PRKCQ: variants seen among roughly 807,000 people sequenced by gnomAD.
PRKCQ encodes protein kinase C theta type.
Under a neutral mutation model 91.2 loss-of-function variants are expected in PRKCQ, and 41 were observed. The observed-to-expected ratio is 0.45, with a 90% CI of 0.35 to 0.58. PRKCQ has a LOEUF of 0.58. Among genes scored for constraint, PRKCQ ranks in the 20% least tolerant of loss-of-function variants. The pLI is 0.00. For missense variants in PRKCQ, 673 were observed against 896.5 expected (o/e 0.75, Z 3.18); for synonymous variants, 307 against 316.9 (o/e 0.97, Z 0.33).
At chr10:6,422,390 C>G (rs896018046), downstream of PRKCQ, among the ~76,000 whole-genome samples, 1 of 152,080 alleles carries the variant, frequency 6.6e-6, no homozygotes, top group African/African-American at 2.4e-5. Flanking sequence ...TACACCACAT[C>G]GGGGGTGAGG....
the PRKCQ span, among the ~76,000 whole-genome samples, chr10:6,404,956 A>ATCCTTCCT: frequency 0.82 from 113,936 of 139,398 alleles, 46,805 homozygotes; most frequent in East Asian, 0.97. Flanking sequence ...CCTTCCTTCT[A>ATCCTTCCT]TCCTTCCTTC....
rs921405561 is a variant in PRKCQ, at chr10:6,478,901, A to T, written c.1353+91T>A. 284 of 1,415,026 alleles carry T rather than the reference A, an allele frequency of 2.0e-4. 1 individual carries two copies. The highest frequency in any genetic ancestry group is 4.4e-5 in the Non-Finnish European group (46 of 1,035,644). The allele number at this position is 1,415,026 out of a possible 1,614,324, so 87.7% of individuals were successfully genotyped here. Reference sequence around the variant, plus strand: ...GAAATGTAAGATAAATATGGAGGCAATGACTCGTGTCTCCTAATGAGGGCG... The same window carrying T: ...GAAATGTAAGATAAATATGGAGGCATTGACTCGTGTCTCCTAATGAGGGCG... On this transcript the variant is annotated intron_variant, in intron 12 of 17. Transcript: ENST00000263125.
intron 8 of PRKCQ, chr10:6,489,283 T>G: frequency 2.2e-6 from 1 of 464,398 alleles, no homozygotes; most frequent in Non-Finnish European, 4.5e-6. Flanking sequence ...AGGGATGGAG[T>G]TTTACTTTGC....
chr10:6,505,157 G>A lies in PRKCQ; in HGVS notation c.379+2279C>T, dbSNP rs550566648. Among the ~76,000 whole-genome samples, 15 of 152,290 alleles carry A rather than the reference G, an allele frequency of 9.8e-5. No homozygotes were observed. The East Asian group carries it at 2.5e-3, about 25-fold the overall frequency. On this transcript the variant is annotated intron_variant, in intron 4 of 17. Transcript: ENST00000263125. ...TCCACCTGCCTCGGCCTCCCAAAGT[G>A]CTGGGATTACAGGCGTGAGCCACCG... is the stretch of plus-strand genomic sequence containing the variant.
At chr10:6,446,578 C>G (rs1457706460) in intron 15 of PRKCQ, among the ~76,000 whole-genome samples, 1 of 151,988 alleles carries the variant, frequency 6.6e-6, no homozygotes, top group Non-Finnish European at 1.5e-5. Context: ...GTTGGCCAGG[C>G]TGGTCTCGAA....
At chr10:6,516,889 T>C (rs1251345342) in intron 1 of PRKCQ, among the ~76,000 whole-genome samples, 2 of 152,136 alleles carry the variant, frequency 1.3e-5, no homozygotes, top group Non-Finnish European at 2.9e-5. Flanking sequence ...GGAAGAGAGT[T>C]GGGGCAAAAC....
In PRKCQ at chr10:6,576,760, G is replaced by A. The variant is rs547537001; in HGVS notation, c.-10+3451C>T. Reference sequence around the variant, plus strand: ...GTTAACTGGTAGGTCACCTGGGACTGCGGTTTAAAGCAAATGCTTGATGGT... The same window carrying A: ...GTTAACTGGTAGGTCACCTGGGACTACGGTTTAAAGCAAATGCTTGATGGT... On this transcript the variant is annotated intron_variant, in intron 1 of 17. Coordinates refer to ENST00000263125, the MANE Select transcript of PRKCQ (RefSeq NM_006257.5). The surrounding 1 kb of genome is among the most constrained non-coding windows in gnomAD (Gnocchi z 4.2). 3.9e-5 allele frequency among the ~76,000 whole-genome samples: 6 copies of A among 152,328 alleles called. No homozygotes were observed. The South Asian group carries it at 1.2e-3, about 32-fold the overall frequency.
In PRKCQ at chr10:6,444,532, G is replaced by A. The variant is rs182381074; in HGVS notation, c.1648-2451C>T. Among the ~76,000 whole-genome samples the A allele has an allele frequency of 1.1e-3, 163 of 152,192 alleles. 2 individuals are homozygous for A. The highest frequency in any genetic ancestry group is 3.9e-3 in the African/African-American group (160 of 41,516). On this transcript the variant is annotated intron_variant, in intron 15 of 17. Coordinates refer to ENST00000263125, the MANE Select transcript of PRKCQ (RefSeq NM_006257.5). ...CGTTAATTCATGACTGCTGCTCCAA[G>A]GATGAGTTGCGGGCAAGTTGCTTTA...
At chr10:6,538,859 G>C (rs971930119) in intron 1 of PRKCQ, among the ~76,000 whole-genome samples, 3 of 152,020 alleles carry the variant, frequency 2.0e-5, no homozygotes, top group Non-Finnish European at 4.4e-5. Context: ...CACCTCCCAG[G>C]TTCAAGCAAT....
In PRKCQ at chr10:6,491,655, G is replaced by A. The variant is rs757414697; in HGVS notation, c.790+28C>T. ...TCCATCCCCTAGGGGGTCCACGTCG[G>A]GCCATGCTCATCCCCCACTGGACTC... On this transcript the variant is annotated intron_variant, in intron 8 of 17. Coordinates refer to ENST00000263125, the MANE Select transcript of PRKCQ (RefSeq NM_006257.5). The A allele has an allele frequency of 2.5e-6, 4 of 1,613,148 alleles. No homozygotes were observed. In the South Asian group the frequency reaches 4.4e-5, roughly 18 times the overall value.
chr10:6,443,776 T>C (rs924209242), intron 15 of PRKCQ, among the ~76,000 whole-genome samples: 4 of 152,160 alleles, frequency 2.6e-5, no homozygotes, highest in Admixed American at 1.3e-4. Context: ...CTTGATAACA[T>C]TATGCTAAGT....
chr10:6,410,942 A>G, the PRKCQ span, among the ~76,000 whole-genome samples: 1 of 139,912 alleles, frequency 7.1e-6, no homozygotes, highest in South Asian at 2.3e-4. Context: ...ACACCACTGC[A>G]CTCCAGCCCA....
chr10:6,563,887 T>G (rs1264543982), intron 1 of PRKCQ, among the ~76,000 whole-genome samples: 1 of 152,142 alleles, frequency 6.6e-6, no homozygotes, highest in Non-Finnish European at 1.5e-5. Context: ...TGCTGAGCTG[T>G]CCATGTGCAC....
At chr10:6,456,571 T>C in intron 15 of PRKCQ, 103 bp downstream of exon 15, 1 of 1,431,758 alleles carries the variant, frequency 7.0e-7, no homozygotes, top group Non-Finnish European at 9.4e-7. Flanking sequence ...GTACAAATCT[T>C]GAATGAAGAT....
intron 7 of PRKCQ, among the ~76,000 whole-genome samples, chr10:6,494,587 CA>C: frequency 6.6e-6 from 1 of 152,218 alleles, no homozygotes; most frequent in Non-Finnish European, 1.5e-5. Flanking sequence ...GCACAGAACA[CA>C]ACCCACCTCT....
the PRKCQ span, among the ~76,000 whole-genome samples, chr10:6,407,804 C>T: frequency 6.6e-6 from 1 of 151,910 alleles, no homozygotes; most frequent in Non-Finnish European, 1.5e-5. This position sits in a 1 kb window ranked among gnomAD's most constrained non-coding sequence, Gnocchi z 4.0. Flanking sequence ...CATCCATATC[C>T]CCACCTAACT....
At chr10:6,395,785 T>C in the PRKCQ span, among the ~76,000 whole-genome samples, 16 of 152,146 alleles carry the variant, frequency 1.1e-4, no homozygotes, top group African/African-American at 3.6e-4. Flanking sequence ...TCTTTCACTG[T>C]CTCAGTCATT....
chr10:6,563,633 A>G (rs968985328), intron 1 of PRKCQ, among the ~76,000 whole-genome samples: 8 of 151,042 alleles, frequency 5.3e-5, no homozygotes, highest in African/African-American at 1.7e-4. Flanking sequence ...CCAGGCTCCA[A>G]CTCTCCATGG....
chr10:6,550,927 T>C (rs938803487), intron 1 of PRKCQ, among the ~76,000 whole-genome samples: 1 of 152,242 alleles, frequency 6.6e-6, no homozygotes, highest in African/African-American at 2.4e-5. Context: ...AATATCTCCT[T>C]TGATTTGCAC....
Sources: allele counts gnomAD v4.1 joint callset (sites outside exome capture counted in the v4.1 genomes callset), GRCh38; gene constraint gnomAD v4.1.1; non-coding constraint Gnocchi (gnomAD v3.1); transcripts MANE v1.5; gene names NCBI Gene and HGNC (gene_info 2026-07-23, HGNC 2026-07-21).